CALCOCO1: variants seen among roughly 807,000 people sequenced by gnomAD.
CALCOCO1 encodes the protein calcium-binding and coiled-coil domain-containing protein 1.
CALCOCO1 carries 44 observed loss-of-function variants against 86.3 expected under a neutral mutation model. That is an observed-to-expected ratio of 0.51 (90% CI 0.40 to 0.66). The LOEUF is 0.66. Among genes scored for constraint, CALCOCO1 ranks in the 30% least tolerant of loss-of-function variants. CALCOCO1 has a pLI of 0.00. For missense variants in CALCOCO1, 708 were observed against 851.1 expected (o/e 0.83, Z 2.09); for synonymous variants, 297 against 327.6 (o/e 0.91, Z 1.01).
rs114195108 is a variant in CALCOCO1, at chr12:53,713,077, C to G, written c.1898+23G>C. 1.8e-4 allele frequency: 287 copies of G among 1,600,630 alleles called. 1 individual carries two copies. The African/African-American group carries it at 3.6e-3, about 20-fold the overall frequency. ...CCTCTGACCTCCTCCCACCTCCCTC[C>G]TGGCCTTGCTGGTTGAACTCACCTG... On this transcript the variant is annotated intron_variant, in intron 14 of 14. Transcript: ENST00000550804.
chr12:53,715,761 A>G (rs770612964), intron 9 of CALCOCO1, 32 bp downstream of exon 9: 3 of 1,605,216 alleles, frequency 1.9e-6, no homozygotes, highest in Admixed American at 1.7e-5. Context: ...GGCAGTGGCC[A>G]TCAGATTGCC....
At chr12:53,717,022 G>T (rs1403946771) in intron 7 of CALCOCO1, among the ~76,000 whole-genome samples, 1 of 152,220 alleles carries the variant, frequency 6.6e-6, no homozygotes, top group Non-Finnish European at 1.5e-5. Flanking sequence ...AAGGGAATCA[G>T]ATTATTCTTC....
In CALCOCO1 at chr12:53,710,265, G is replaced by C. The variant is rs1452780158; in HGVS notation, c.*1679C>G. 1 of 152,230 alleles carries C rather than the reference G, an allele frequency of 6.6e-6. No homozygotes were observed. The highest frequency in any genetic ancestry group is 1.5e-5 in the Non-Finnish European group (1 of 68,056). The allele number at this position is 152,230 out of a possible 1,614,324, so 9.4% of individuals were successfully genotyped here. A position where few individuals can be genotyped will look rare whatever the true frequency, so the allele number is the denominator to read the frequency against. On this transcript the variant is annotated 3_prime_UTR_variant, in exon 15 of 15. Transcript: ENST00000550804. ...AGGGAACGGGATGGGGTTGCTAGGA[G>C]ACGGAGACGTGAGGGAAGAAGGAAC...
chr12:53,717,896 G>T (rs1424922500), intron 7 of CALCOCO1, among the ~76,000 whole-genome samples: 5 of 152,090 alleles, frequency 3.3e-5, no homozygotes, highest in African/African-American at 1.2e-4. Context: ...GTGGTGGCGG[G>T]TGCCTGTAAT....
rs1395239627 is a variant in CALCOCO1 at position 53,716,014 on chromosome 12, C to T, written c.1039G>A (p.Gly347Arg). Reference protein sequence around the residue: ...ELEPLKEQLRGAQELAASSQQ... With the variant: ...ELEPLKEQLRRAQELAASSQQ... ...CTTGAGGCTGCAAGCTCCTGGGCCC[C>T]TCGAAGCTGCTCCTTCAAGGGCTCC... Residue 347 changes from glycine to arginine, a missense_variant, in exon 9 of 15, where the codon GGG becomes AGG. By Grantham distance (125) the Gly-to-Arg change is moderately radical. Transcript: ENST00000550804. 6.2e-7 allele frequency: 1 copy of T among 1,613,366 alleles called. No individual in the cohort carries two copies. The highest frequency in any genetic ancestry group is 8.5e-7 in the Non-Finnish European group (1 of 1,180,024).
At position 53,714,705 on chromosome 12, in the gene CALCOCO1, G is replaced by C. The variant is rs138621497; in HGVS notation, c.1387-12C>G. The C allele has an allele frequency of 1.7e-5, 27 of 1,598,640 alleles. No individual in the cohort carries two copies. In the East Asian group the frequency reaches 5.4e-4, roughly 32 times the overall value. ...TCTGACAACTGTACCTGAGGGAAGA[G>C]GGCCCAATGGAATCTGGAGCCTAGA... is the stretch of plus-strand genomic sequence containing the variant. On this transcript the variant is annotated splice_polypyrimidine_tract_variant and intron_variant, in intron 10 of 14. Transcript: ENST00000550804.
rs1294647222 is a variant in CALCOCO1 at position 53,724,751 on chromosome 12, T to A, written c.157-4A>T. 1 of 1,609,528 alleles carries A rather than the reference T, an allele frequency of 6.2e-7. No individual in the cohort carries two copies. The highest frequency in any genetic ancestry group is 1.1e-5 in the South Asian group (1 of 90,226). On this transcript the variant is annotated splice_polypyrimidine_tract_variant and splice_region_variant and intron_variant, in intron 2 of 14. Transcript: ENST00000550804. ...CCCGAACACAGGCAGCCTCCACCTGTGAAAGCCCAAGGTTGGAGAAAGGTA... is the reference window on the plus strand; with the variant it reads ...CCCGAACACAGGCAGCCTCCACCTGAGAAAGCCCAAGGTTGGAGAAAGGTA...
Position 53,723,693 on chromosome 12 carries a change from T to C in CALCOCO1, c.350A>G (p.Gln117Arg). The change falls in exon 4 of 15, where the codon CAG (glutamine) becomes CGG (arginine). Residue 117 changes from glutamine (Q) to arginine (R), a missense_variant. Coordinates refer to ENST00000550804, the MANE Select transcript of CALCOCO1 (RefSeq NM_020898.3). ...ATCCATGGGCCTTGGCTCTCGGAAC[T>C]GGAAAGGGGGGCTCTGCCCACACAC... ...GQVCGQSPPFQFREPRPMDEL... is the reference protein window; with the variant it reads ...GQVCGQSPPFRFREPRPMDEL... 2 of 1,614,184 alleles carry C rather than the reference T, an allele frequency of 1.2e-6. No individual in the cohort carries two copies. Among genetic ancestry groups the C allele is most frequent in the Non-Finnish European group, 1.7e-6 (2 of 1,180,026 alleles).
intron 1 of CALCOCO1, chr12:53,726,429 T>C (rs1482988169): frequency 6.6e-6 from 1 of 152,064 alleles, no homozygotes; most frequent in Non-Finnish European, 1.5e-5. Flanking sequence ...ATAACAATAA[T>C]AACGATCAAA....
In CALCOCO1 at chr12:53,716,703, C is replaced by CA. The variant is rs1945736734; in HGVS notation, c.850-289dup. ...CTATTCTTTCTCTTAAATCAAAACTCAGTCTTCATGCCCTACAGGCCCCTT... is the reference window on the plus strand; with the variant it reads ...CTATTCTTTCTCTTAAATCAAAACTCAAGTCTTCATGCCCTACAGGCCCCTT... On this transcript the variant is annotated intron_variant, in intron 7 of 14. Coordinates refer to ENST00000550804, the MANE Select transcript of CALCOCO1 (RefSeq NM_020898.3). 3.3e-5 allele frequency among the ~76,000 whole-genome samples: 5 copies of CA among 152,302 alleles called. No individual in the cohort carries two copies. The South Asian group carries it at 1.0e-3, about 32-fold the overall frequency.
At position 53,711,558 on chromosome 12, in the gene CALCOCO1, T is replaced by C. The variant is rs1945550671; in HGVS notation, c.*386A>G. ...AAGAGAGGGTAGGGTGCCCCAGGAA[T>C]TGGCTTTGGGGCATCAGACAAGGGA... is the stretch of plus-strand genomic sequence containing the variant. On this transcript the variant is annotated 3_prime_UTR_variant, in exon 15 of 15. Coordinates refer to ENST00000550804, the MANE Select transcript of CALCOCO1 (RefSeq NM_020898.3). 2 of 292,760 alleles carry C rather than the reference T, an allele frequency of 6.8e-6. No homozygotes were observed. The highest frequency in any genetic ancestry group is 1.2e-5 in the Non-Finnish European group (2 of 160,052). 18.1% of individuals were successfully genotyped at this position (292,760 alleles called of 1,614,324 possible).
chr12:53,711,317 G>T lies in CALCOCO1; in HGVS notation c.*627C>A. The T allele has an allele frequency of 2.5e-6, 1 of 396,482 alleles. No individual in the cohort carries two copies. Among genetic ancestry groups the T allele is most frequent in the Non-Finnish European group, 4.4e-6 (1 of 224,834 alleles). The allele number at this position is 396,482 out of a possible 1,614,324, so 24.6% of individuals were successfully genotyped here. A position where few individuals can be genotyped will look rare whatever the true frequency, so the allele number is the denominator to read the frequency against. On this transcript the variant is annotated 3_prime_UTR_variant, in exon 15 of 15. Transcript: ENST00000550804. ...TGAGGAGATGCGAGGAGAGGATACA[G>T]AATACAGGAATCCTCAAAAATACAA...
chr12:53,721,209 T>C (rs1945857495), intron 6 of CALCOCO1, among the ~76,000 whole-genome samples: 1 of 152,264 alleles, frequency 6.6e-6, no homozygotes, highest in Non-Finnish European at 1.5e-5. Context: ...CCTCCACTCC[T>C]AGCTCTTGCT....
chr12:53,725,225 T>C lies in CALCOCO1; in HGVS notation c.18A>G (p.Leu6=), dbSNP rs373203975. The C allele has an allele frequency of 8.7e-5, 139 of 1,601,344 alleles. No homozygotes were observed. Among genetic ancestry groups the C allele is most frequent in the Non-Finnish European group, 1.1e-4 (132 of 1,174,516 alleles). ...CTCCACCACGGGATGGTGCCCGGCT[T>C]AGTGGTGATTCTTCCATCCTGGCCT... is the stretch of plus-strand genomic sequence containing the variant. The part of the protein sequence containing the change: MEESP[L]SRAPSRGGVN... The change falls in exon 2 of 15, where the codon CTA becomes CTG. Residue 6 remains leucine, a synonymous_variant. Coordinates refer to ENST00000550804, the MANE Select transcript of CALCOCO1 (RefSeq NM_020898.3).
Position 53,724,474 on chromosome 12 carries a change from C to T in CALCOCO1, c.259+171G>A, listed in dbSNP as rs1405548170. The T allele has an allele frequency of 9.7e-6, 6 of 616,114 alleles. No individual in the cohort carries two copies. In the Admixed American group the frequency reaches 1.2e-4, roughly 12 times the overall value. The allele number at this position is 616,114 out of a possible 1,614,324, so 38.2% of individuals were successfully genotyped here. ...TCTATGTCCCTGATTCTGCGATAAT[C>T]CCGTGATTCTCTATCCGCTGAGCGC... On this transcript the variant is annotated intron_variant, in intron 3 of 14. Transcript: ENST00000550804.
At chr12:53,724,306 T>C (rs2120651158) in intron 3 of CALCOCO1, 1 of 382,144 alleles carries the variant, frequency 2.6e-6, no homozygotes, top group East Asian at 6.7e-5. Context: ...GCCAAACAGC[T>C]TGTAAGTGTT....
chr12:53,714,744 A>C, intron 10 of CALCOCO1, 51 bp from the exon 11 acceptor site: 1 of 1,371,606 alleles, frequency 7.3e-7, no homozygotes, highest in Non-Finnish European at 1.0e-6. Flanking sequence ...TACCTCCAAG[A>C]ACCTGGACTC....
chr12:53,719,869 C>T (rs777145954), intron 6 of CALCOCO1, 40 bp from the exon 7 acceptor site: 1 of 1,406,820 alleles, frequency 7.1e-7, no homozygotes, highest in Non-Finnish European at 1.0e-6. Flanking sequence ...ATCTGCTCCA[C>T]CCAGAGAAGG....
chr12:53,721,450 C>A lies in CALCOCO1; in HGVS notation c.758+17G>T, dbSNP rs565477565. 2.4e-5 allele frequency: 38 copies of A among 1,584,394 alleles called. No individual in the cohort carries two copies. In the South Asian group the frequency reaches 4.3e-4, roughly 18 times the overall value. On this transcript the variant is annotated intron_variant, in intron 6 of 14. Transcript: ENST00000550804. ...TGGAAGGGAGAGGAAGTGACGGGGT[C>A]AGTGGACTCCCCTCACCTGTCCAGC...
Sources: gnomAD v4.1 joint callset for allele counts (sites outside exome capture counted in the v4.1 genomes callset) on GRCh38, gnomAD v4.1.1 for gene constraint, MANE v1.5 for transcripts, NCBI Gene and HGNC (gene_info 2026-07-23, HGNC 2026-07-21) for gene names.